The following HMGB1 variants were observed in gnomAD, a reference collection of about 807,000 sequenced individuals.
HMGB1 encodes high mobility group protein B1.
For synonymous variants in HMGB1, 81 were observed against 84.0 expected, an observed-to-expected ratio of 0.96 and a Z score of 0.19; for missense variants, 79 against 253.5, an observed-to-expected ratio of 0.31 and a Z score of 4.67.
intron 1 of HMGB1, among the ~76,000 whole-genome samples, chr13:30,565,083 G>A (rs1380031280): frequency 1.3e-5 from 2 of 152,054 alleles, no homozygotes; most frequent in South Asian, 2.1e-4. Flanking sequence ...GAGAACATTC[G>A]GGCTCAGGAA....
chr13:30,615,372 A>T (rs930059017), intron 1 of HMGB1, among the ~76,000 whole-genome samples: 1 of 152,246 alleles, frequency 6.6e-6, no homozygotes, highest in Non-Finnish European at 1.5e-5. Context: ...AATTTCATAC[A>T]ATTTTTAAGT....
intron 1 of HMGB1, among the ~76,000 whole-genome samples, chr13:30,548,070 T>C (rs1452922117): frequency 6.6e-6 from 1 of 152,210 alleles, no homozygotes; most frequent in Non-Finnish European, 1.5e-5. Flanking sequence ...TTTCAGGTTT[T>C]AAAATGATCA....
intron 1 of HMGB1, among the ~76,000 whole-genome samples, chr13:30,483,812 C>T (rs1887296254): frequency 6.6e-6 from 1 of 151,912 alleles, no homozygotes; most frequent in Admixed American, 6.6e-5. Context: ...TGGTGTCTCA[C>T]CATGTTGCCC....
chr13:30,463,327 T>A lies in HMGB1; in HGVS notation c.176A>T (p.Lys59Ile). The A allele has an allele frequency of 6.2e-7, 1 of 1,608,512 alleles. No homozygotes were observed. The highest frequency in any genetic ancestry group is 8.5e-7 in the Non-Finnish European group (1 of 1,178,746). ...GTCCGCTTTTGCCATATCTTCAAATTTTCCTTTCTCTTTAGCAGACATGGT... is the reference window on the plus strand; with the variant it reads ...GTCCGCTTTTGCCATATCTTCAAATATTCCTTTCTCTTTAGCAGACATGGT... The part of the protein sequence containing the change: ...WKTMSAKEKG[K>I]FEDMAKADKA... The change falls in exon 3 of 5, where the codon AAA (lysine) becomes ATA (isoleucine). Residue 59 changes from lysine (K) to isoleucine (I), a missense_variant. By Grantham distance (102) the Lys-to-Ile change is moderately radical. Transcript: ENST00000341423.
At chr13:30,497,787 A>C (rs1244506529) in intron 1 of HMGB1, among the ~76,000 whole-genome samples, 2 of 152,084 alleles carry the variant, frequency 1.3e-5, no homozygotes, top group Non-Finnish European at 2.9e-5. Flanking sequence ...ATATGATCTT[A>C]TTCTTTTTTA....
chr13:30,607,357 T>G, intron 1 of HMGB1, among the ~76,000 whole-genome samples: 1 of 152,196 alleles, frequency 6.6e-6, no homozygotes, highest in East Asian at 1.9e-4. Flanking sequence ...GACTGGATCA[T>G]GGGGGCGGCC....
chr13:30,577,778 T>C (rs1439382507), intron 1 of HMGB1, among the ~76,000 whole-genome samples: 7 of 152,240 alleles, frequency 4.6e-5, no homozygotes, highest in Non-Finnish European at 1.5e-5. Context: ...CAACACAGCT[T>C]GGCACATTAT....
chr13:30,479,163 C>G (rs1185469277), intron 1 of HMGB1, among the ~76,000 whole-genome samples: 2 of 152,220 alleles, frequency 1.3e-5, no homozygotes, highest in South Asian at 2.1e-4. Flanking sequence ...ACTTTTACCT[C>G]TTGTCACTAT....
intron 1 of HMGB1, chr13:30,554,268 G>C (rs1308995594): frequency 2.9e-6 from 4 of 1,376,426 alleles, no homozygotes; most frequent in Admixed American, 1.7e-5. Context: ...TTGAAAGTGA[G>C]AGAATCTGGC....
intron 1 of HMGB1, among the ~76,000 whole-genome samples, chr13:30,608,323 A>G (rs1045683020): frequency 1.3e-5 from 2 of 152,214 alleles, no homozygotes; most frequent in African/African-American, 4.8e-5. Context: ...AACTAATACA[A>G]TAATACATAC....
Position 30,601,745 on chromosome 13 carries a change from CAAAAAAAAAAAAAAAAAAAAAAAAAAA to C in HMGB1, c.-15+14899_-15+14925del, listed in dbSNP as rs914063726. Among the ~76,000 whole-genome samples the C allele has an allele frequency of 2.8e-3, 10 of 3,542 alleles. 1 individual carries two copies. The Admixed American group carries it at 0.034, about 12-fold the overall frequency. 2.3% of individuals were successfully genotyped at this position (3,542 alleles called of 152,430 possible). On this transcript the variant is annotated intron_variant, in intron 1 of 4. Transcript: ENST00000405805. ...TGGGCGACAGAGCGAGACTCCGTCT[CAAAAAAAAAAAAAAAAAAAAAAAAAAA>C]AAAAAAAAAAAAAAAATGAGGGTTG... is the stretch of plus-strand genomic sequence containing the variant.
intron 1 of HMGB1, among the ~76,000 whole-genome samples, chr13:30,565,272 C>T (rs1236542353): frequency 6.6e-6 from 1 of 152,188 alleles, no homozygotes; most frequent in Non-Finnish European, 1.5e-5. Flanking sequence ...CTGTTATTTA[C>T]AAACAACCCA....
chr13:30,596,562 T>C (rs560814545), intron 1 of HMGB1, among the ~76,000 whole-genome samples: 15 of 152,226 alleles, frequency 9.9e-5, no homozygotes, highest in Non-Finnish European at 2.2e-4. Flanking sequence ...CAGCAAGACT[T>C]GAGTTTAGAA....
intron 1 of HMGB1, among the ~76,000 whole-genome samples, chr13:30,519,208 C>T (rs1043637447): frequency 4.0e-5 from 6 of 151,604 alleles, no homozygotes; most frequent in Non-Finnish European, 7.4e-5. Flanking sequence ...GCCTGGCCAA[C>T]ATGGTGAAAC....
exon 1 of HMGB1, chr13:30,616,800 C>T (rs1351723124): frequency 6.6e-6 from 1 of 152,174 alleles, no homozygotes; most frequent in African/African-American, 2.4e-5. Flanking sequence ...TTCCTCCACA[C>T]CACCCTATCC....
chr13:30,613,450 T>C (rs536999086), intron 1 of HMGB1, among the ~76,000 whole-genome samples: 5 of 152,372 alleles, frequency 3.3e-5, no homozygotes, highest in African/African-American at 7.2e-5. Flanking sequence ...ATTGAGTACA[T>C]GCCTTGGAAT....
chr13:30,525,859 G>GGA (rs1555237436), intron 1 of HMGB1, among the ~76,000 whole-genome samples: 2 of 151,376 alleles, frequency 1.3e-5, no homozygotes, highest in African/African-American at 4.8e-5. Flanking sequence ...GAGATTGTGG[G>GGA]GGGACACAAA....
chr13:30,465,757 G>T (rs534995550), intron 1 of HMGB1, 39 bp downstream of exon 1: 41 of 979,286 alleles, frequency 4.2e-5, no homozygotes, highest in Middle Eastern at 1.0e-3. Context: ...GGGAGCTGCC[G>T]GAGGCGCTCT....
In HMGB1 at chr13:30,465,843, C is replaced by A. The variant is rs1166133435; in HGVS notation, c.-62G>T. 6.1e-6 allele frequency: 6 copies of A among 985,562 alleles called. No individual in the cohort carries two copies. The South Asian group carries it at 2.8e-4, about 46-fold the overall frequency. The allele number at this position is 985,562 out of a possible 1,614,324, so 61.1% of individuals were successfully genotyped here. A position where few individuals can be genotyped will look rare whatever the true frequency, so the allele number is the denominator to read the frequency against. ...CCAGTGCCCGTCCGGCTCTCACTTG[C>A]CCCGGTGCTGTCTCTATGGAGCTCA... is the stretch of plus-strand genomic sequence containing the variant. On this transcript the variant is annotated 5_prime_UTR_variant, in exon 1 of 5. Coordinates refer to ENST00000341423, the MANE Select transcript of HMGB1 (RefSeq NM_002128.7).
Sources: allele counts gnomAD v4.1 joint callset (sites outside exome capture counted in the v4.1 genomes callset), GRCh38; gene constraint gnomAD v4.1.1; transcripts MANE v1.5; gene names NCBI Gene and HGNC (gene_info 2026-07-23, HGNC 2026-07-21).